SLC30A8: variants seen among roughly 807,000 people sequenced by gnomAD.
SLC30A8 encodes the protein solute carrier family 30 member 8.
A neutral mutation model predicts 36.9 loss-of-function variants in SLC30A8; 27 were observed. That is an observed-to-expected ratio of 0.73 (90% CI 0.54 to 1.01). SLC30A8 has a LOEUF of 1.01. Among genes scored for constraint, SLC30A8 ranks in the 50% least tolerant of loss-of-function variants. The probability of loss-of-function intolerance (pLI) is 0.00; values close to 1 mark genes in which losing one functional copy is unlikely to be tolerated. For missense variants in SLC30A8, 439 were observed against 452.0 expected, an observed-to-expected ratio of 0.97 and a Z score of 0.26; for synonymous variants, 164 against 172.4, an observed-to-expected ratio of 0.95 and a Z score of 0.38.
At chr8:117,146,756 T>G (rs1438927276) in intron 1 of SLC30A8, 198 bp from the exon 2 acceptor site, 2 of 1,327,062 alleles carry the variant, frequency 1.5e-6, no homozygotes, top group South Asian at 1.7e-5. Context: ...AGTAAAACTT[T>G]TAGTAGTTGA....
intron 1 of SLC30A8, among the ~76,000 whole-genome samples, chr8:117,145,759 C>T (rs868826379): frequency 3.9e-5 from 6 of 152,060 alleles, no homozygotes; most frequent in South Asian, 2.1e-4. Flanking sequence ...ATTCCCACTC[C>T]AAAATTTCCT....
chr8:117,131,745 A>G (rs1821146932), upstream of SLC30A8, among the ~76,000 whole-genome samples: 1 of 152,012 alleles, frequency 6.6e-6, no homozygotes, highest in Admixed American at 6.6e-5. Flanking sequence ...GGCCCAGTGT[A>G]TAGAAACTCA....
At chr8:117,041,079 G>A (rs931032218) in intron 2 of SLC30A8, among the ~76,000 whole-genome samples, 8 of 152,170 alleles carry the variant, frequency 5.3e-5, no homozygotes, top group African/African-American at 1.9e-4. Flanking sequence ...GCTGGATTCC[G>A]CGGTGCCAAA....
chr8:117,135,098 AGCAGTTTTT>A lies in SLC30A8; in HGVS notation c.-228_-220del, dbSNP rs1382911170. The A allele has an allele frequency of 1.0e-5, 4 of 381,420 alleles. No individual in the cohort carries two copies. Among genetic ancestry groups the A allele is most frequent in the Non-Finnish European group, 1.9e-5 (4 of 213,366 alleles). 23.6% of individuals were successfully genotyped at this position (381,420 alleles called of 1,614,324 possible). A position where few individuals can be genotyped will look rare whatever the true frequency, so the allele number is the denominator to read the frequency against. On this transcript the variant is annotated 5_prime_UTR_variant, in exon 1 of 8. Transcript: ENST00000456015. ...TGCTACCTGCAAGTCTCCCTAGAAA[AGCAGTTTTT>A]GTAGGTGAAAACAATGAAGCCAGGT...
At chr8:116,958,341 A>ATT (rs11296037) in intron 1 of SLC30A8, among the ~76,000 whole-genome samples, 15 of 147,490 alleles carry the variant, frequency 1.0e-4, no homozygotes, top group African/African-American at 2.7e-4. Context: ...TTCCTTTAAC[A>ATT]TTTTTTTTTT....
At chr8:117,158,066 T>C (rs1343529644) in intron 4 of SLC30A8, among the ~76,000 whole-genome samples, 1 of 152,216 alleles carries the variant, frequency 6.6e-6, no homozygotes, top group Admixed American at 6.5e-5. Context: ...AAGCTTCTGG[T>C]GTGCTAGAGG....
intron 1 of SLC30A8, among the ~76,000 whole-genome samples, chr8:117,001,799 A>G (rs545583956): frequency 6.6e-6 from 1 of 152,298 alleles, no homozygotes; most frequent in African/African-American, 2.4e-5. Flanking sequence ...CCATAATATC[A>G]TATTAGCTAC....
chr8:117,103,710 A>G (rs1029299725), intron 2 of SLC30A8, among the ~76,000 whole-genome samples: 3 of 152,124 alleles, frequency 2.0e-5, no homozygotes, highest in Non-Finnish European at 4.4e-5. Context: ...CCTGGCTTCA[A>G]GCAATCCATC....
At chr8:116,980,330 A>G (rs73312227) in intron 1 of SLC30A8, among the ~76,000 whole-genome samples, 11,328 of 152,126 alleles carry the variant, frequency 0.074, 1,410 homozygotes, top group African/African-American at 0.26. Context: ...GGTGATCTGT[A>G]GGGAGAGTCT....
intron 1 of SLC30A8, among the ~76,000 whole-genome samples, chr8:116,976,472 C>G (rs1189305090): frequency 6.6e-6 from 1 of 152,112 alleles, no homozygotes; most frequent in African/African-American, 2.4e-5. Flanking sequence ...AAACTAAAAC[C>G]CTAGCTGACA....
At chr8:117,069,253 A>G (rs2130796100) in intron 2 of SLC30A8, among the ~76,000 whole-genome samples, 1 of 152,360 alleles carries the variant, frequency 6.6e-6, no homozygotes, top group African/African-American at 2.4e-5. Flanking sequence ...AAAAGAAAAC[A>G]AAACTGCTTA....
chr8:117,044,312 A>G (rs1389995086), intron 2 of SLC30A8, among the ~76,000 whole-genome samples: 1 of 152,252 alleles, frequency 6.6e-6, no homozygotes, highest in Non-Finnish European at 1.5e-5. Context: ...TTCATTGGAC[A>G]AATGACTGAG....
intron 2 of SLC30A8, among the ~76,000 whole-genome samples, chr8:117,051,876 C>T (rs1817721595): frequency 6.6e-6 from 1 of 152,048 alleles, no homozygotes; most frequent in Admixed American, 6.6e-5. Flanking sequence ...CTGTTTTGCT[C>T]CCTCTCTCAC....
intron 2 of SLC30A8, among the ~76,000 whole-genome samples, chr8:117,126,814 C>A (rs1041966517): frequency 3.3e-5 from 5 of 151,914 alleles, no homozygotes; most frequent in African/African-American, 9.7e-5. Flanking sequence ...AGGAAAAACT[C>A]GAAATAGCTG....
intron 2 of SLC30A8, among the ~76,000 whole-genome samples, chr8:117,123,320 T>C (rs1586552733): frequency 6.6e-6 from 1 of 152,136 alleles, no homozygotes; most frequent in East Asian, 1.9e-4. Context: ...AAATGTAATC[T>C]AGCTGATTTT....
intron 1 of SLC30A8, among the ~76,000 whole-genome samples, chr8:117,022,855 A>G (rs1355518801): frequency 6.6e-6 from 1 of 152,232 alleles, no homozygotes; most frequent in Non-Finnish European, 1.5e-5. Context: ...AGCAATGGCA[A>G]CAAAAGCCAA....
At chr8:117,022,020 A>G (rs1448175964) in intron 1 of SLC30A8, among the ~76,000 whole-genome samples, 1 of 151,994 alleles carries the variant, frequency 6.6e-6, no homozygotes, top group Non-Finnish European at 1.5e-5. Context: ...TTAAAAAGGT[A>G]AGTTCCTTCT....
intron 2 of SLC30A8, among the ~76,000 whole-genome samples, chr8:117,040,159 G>A (rs1817337186): frequency 1.3e-5 from 2 of 152,218 alleles, no homozygotes; most frequent in Non-Finnish European, 2.9e-5. Flanking sequence ...CTGAGAGCTT[G>A]TGACTAGTTC....
intron 2 of SLC30A8, among the ~76,000 whole-genome samples, chr8:117,124,322 A>G (rs914256243): frequency 1.3e-5 from 2 of 151,948 alleles, no homozygotes; most frequent in African/African-American, 4.8e-5. Context: ...TGCACAAACA[A>G]ATGAGCAACA....
Sources: allele counts gnomAD v4.1 joint callset (sites outside exome capture counted in the v4.1 genomes callset), GRCh38; gene constraint gnomAD v4.1.1; transcripts MANE v1.5; gene names NCBI Gene and HGNC (gene_info 2026-07-23, HGNC 2026-07-21).